The following TBC1D12 variants were observed in gnomAD, a reference collection of about 807,000 sequenced individuals.
TBC1D12 encodes the protein TBC1 domain family, member 12.
TBC1D12 carries 56 observed loss-of-function variants against 86.7 expected under a neutral mutation model. That is an observed-to-expected ratio of 0.65 (90% CI 0.52 to 0.81). TBC1D12 has a LOEUF of 0.81. Among genes scored for constraint, TBC1D12 ranks in the 30% least tolerant of loss-of-function variants. The pLI, the probability that TBC1D12 is intolerant of heterozygous loss-of-function variation, is 0.00. For missense variants in TBC1D12, 1,023 were observed against 1,038.8 expected (o/e 0.98, Z 0.21); for synonymous variants, 421 against 411.7 (o/e 1.02, Z -0.27).
intron 1 of TBC1D12, among the ~76,000 whole-genome samples, chr10:94,426,725 C>T (rs547538170): frequency 1.1e-4 from 17 of 152,076 alleles, no homozygotes; most frequent in South Asian, 4.2e-4. Flanking sequence ...TACAGGCGCT[C>T]GCCACCACAC....
At chr10:94,524,635 A>C (rs1842240905) in intron 11 of TBC1D12, among the ~76,000 whole-genome samples, 1 of 150,692 alleles carries the variant, frequency 6.6e-6, no homozygotes, top group African/African-American at 2.4e-5. Flanking sequence ...GCTACTTGGG[A>C]GGCTGAGGTT....
In TBC1D12 at chr10:94,531,314, C is replaced by T. The variant is rs769285606; in HGVS notation, c.2113C>T (p.Arg705Ter). ...ATTTAGGACTGGATTAGGAATCCTC[C>T]GATTATATGAAGATATTCTCCTGCA... ...FLFRTGLGIL[R>*]LYEDILLQMD... The change falls in exon 12 of 13, where the codon CGA (arginine) becomes TGA (stop). Residue 705 changes from arginine to a stop codon, truncating the protein, a stop_gained. Transcript: ENST00000225235. LOFTEE classifies it high-confidence loss of function. 4.3e-6 allele frequency: 7 copies of T among 1,613,814 alleles called. No homozygotes were observed. The highest frequency in any genetic ancestry group is 1.7e-5 in the Admixed American group (1 of 59,982).
At chr10:94,433,062 A>G (rs2055240610) in intron 1 of TBC1D12, among the ~76,000 whole-genome samples, 1 of 151,998 alleles carries the variant, frequency 6.6e-6, no homozygotes, top group Non-Finnish European at 1.5e-5. Flanking sequence ...AAAACTAGCC[A>G]TGGATGGTGG....
chr10:94,405,054 A>C (rs987872628), intron 1 of TBC1D12, among the ~76,000 whole-genome samples: 19 of 152,076 alleles, frequency 1.2e-4, no homozygotes, highest in Non-Finnish European at 2.8e-4. Flanking sequence ...CTCAAAAAAA[A>C]AAAAAAAAAG....
chr10:94,483,030 ATTC>A (rs1399001179), intron 3 of TBC1D12, among the ~76,000 whole-genome samples: 1 of 134,164 alleles, frequency 7.5e-6, no homozygotes, highest in Non-Finnish European at 1.5e-5. Context: ...TGAACCACAT[ATTC>A]TTCTTCTTTT....
At chr10:94,433,659 C>A (rs933537667) in intron 1 of TBC1D12, among the ~76,000 whole-genome samples, 2 of 152,114 alleles carry the variant, frequency 1.3e-5, no homozygotes, top group African/African-American at 4.8e-5. Flanking sequence ...GAAGAATTTT[C>A]TGATCTGTAG....
chr10:94,465,746 A>ATACATATGTATACATACG (rs2055802726), intron 2 of TBC1D12, among the ~76,000 whole-genome samples: 1 of 151,156 alleles, frequency 6.6e-6, no homozygotes, highest in Non-Finnish European at 1.5e-5. Context: ...GTATACATAC[A>ATACATATGTATACATACG]TACATATGTA....
intron 2 of TBC1D12, among the ~76,000 whole-genome samples, chr10:94,468,535 AT>A (rs1278101337): frequency 6.6e-6 from 1 of 152,014 alleles, no homozygotes; most frequent in Non-Finnish European, 1.5e-5. Flanking sequence ...GACTGGAATA[AT>A]TTTAGGGGAA....
chr10:94,416,103 CTATG>C (rs2054994448), intron 1 of TBC1D12, among the ~76,000 whole-genome samples: 1 of 151,750 alleles, frequency 6.6e-6, no homozygotes, highest in Non-Finnish European at 1.5e-5. Context: ...AAACATAACA[CTATG>C]TAGGGAAAAA....
In TBC1D12 at chr10:94,534,982, C is replaced by A. The variant is rs1842515853; in HGVS notation, c.*1886C>A. On this transcript the variant is annotated 3_prime_UTR_variant, in exon 13 of 13. Coordinates refer to ENST00000225235, the MANE Select transcript of TBC1D12 (RefSeq NM_015188.2). ...TATAGCAACATTAACAGTCTTTTCC[C>A]AGTCAGGTGCTGTCCAGGGAACATG... The A allele has an allele frequency of 6.6e-6, 1 of 152,134 alleles. No homozygotes were observed. Among genetic ancestry groups the A allele is most frequent in the Non-Finnish European group, 1.5e-5 (1 of 68,026 alleles). The allele number at this position is 152,134 out of a possible 1,614,324, so 9.4% of individuals were successfully genotyped here. A position where few individuals can be genotyped will look rare whatever the true frequency, so the allele number is the denominator to read the frequency against.
rs1309068756 is a variant in TBC1D12 at position 94,536,204 on chromosome 10, AAAAC to A, written c.*3109_*3112del. Reference sequence around the variant, plus strand: ...GTTACAGTATATTTTCAATTAAAAAAAAACTTTTCCTAAAATACTCAAAATAATG... The same window carrying A: ...GTTACAGTATATTTTCAATTAAAAAATTTTCCTAAAATACTCAAAATAATG... On this transcript the variant is annotated 3_prime_UTR_variant, in exon 13 of 13. Coordinates refer to ENST00000225235, the MANE Select transcript of TBC1D12 (RefSeq NM_015188.2). Among the ~76,000 whole-genome samples the A allele has an allele frequency of 5.3e-5, 8 of 152,136 alleles. No individual in the cohort carries two copies. Among genetic ancestry groups the A allele is most frequent in the Non-Finnish European group, 8.8e-5 (6 of 68,010 alleles).
At chr10:94,441,591 T>C (rs867780616) in intron 1 of TBC1D12, among the ~76,000 whole-genome samples, 1 of 152,320 alleles carries the variant, frequency 6.6e-6, no homozygotes, top group African/African-American at 2.4e-5. Context: ...GTCTGTATTT[T>C]ACTTTAAGTT....
At position 94,403,214 on chromosome 10, in the gene TBC1D12, A is replaced by C. The variant is rs2054795513; in HGVS notation, c.601A>C (p.Ser201Arg). ...WASPLEDPLR[S>R]CCLVAADAQE... ...CTCTCCGCTTGAGGACCCGCTGCGG[A>C]GCTGCTGCCTGGTGGCCGCGGACGC... The change falls in exon 1 of 13, where the codon AGC (serine) becomes CGC (arginine). Residue 201 changes from serine (S) to arginine (R), a missense_variant. By Grantham distance (110) the Ser-to-Arg change is moderately radical. Around this residue, in one of 2 missense-constraint regions of TBC1D12, gnomAD observed 628 missense variants for 531.1 expected, o/e 1.18. Coordinates refer to ENST00000225235, the MANE Select transcript of TBC1D12 (RefSeq NM_015188.2). 3.3e-6 allele frequency: 5 copies of C among 1,505,858 alleles called. No homozygotes were observed. The African/African-American group carries it at 5.8e-5, about 18-fold the overall frequency. The allele number at this position is 1,505,858 out of a possible 1,614,324, so 93.3% of individuals were successfully genotyped here. A position where few individuals can be genotyped will look rare whatever the true frequency, so the allele number is the denominator to read the frequency against.
At chr10:94,520,895 A>G (rs1842132384) in intron 9 of TBC1D12, among the ~76,000 whole-genome samples, 1 of 152,164 alleles carries the variant, frequency 6.6e-6, no homozygotes, top group Non-Finnish European at 1.5e-5. Context: ...TCCTGACCTC[A>G]GGTGATCCGC....
intron 3 of TBC1D12, among the ~76,000 whole-genome samples, chr10:94,490,633 G>A (rs1033824860): frequency 6.6e-5 from 10 of 152,180 alleles, no homozygotes; most frequent in African/African-American, 7.2e-5. Flanking sequence ...ACTTTTTTGT[G>A]TGTTCTTTTA....
chr10:94,531,749 G>GTTATT (rs10664686), intron 12 of TBC1D12, among the ~76,000 whole-genome samples: 1 of 49,642 alleles, frequency 2.0e-5, no homozygotes, highest in Non-Finnish European at 4.5e-5. Flanking sequence ...GTTATTTTAT[G>GTTATT]TTATTTTATT....
At chr10:94,496,850 G>A (rs188060475) in intron 4 of TBC1D12, among the ~76,000 whole-genome samples, 11 of 152,216 alleles carry the variant, frequency 7.2e-5, no homozygotes, top group Admixed American at 2.0e-4. Context: ...AGAAAACAAA[G>A]AATAGAAAAT....
At chr10:94,498,310 C>G (rs997423025) in intron 5 of TBC1D12, among the ~76,000 whole-genome samples, 3 of 152,102 alleles carry the variant, frequency 2.0e-5, no homozygotes, top group Non-Finnish European at 4.4e-5. Flanking sequence ...ATGTAAATGT[C>G]CCATCATCAT....
chr10:94,492,843 T>C (rs139689458), intron 3 of TBC1D12, among the ~76,000 whole-genome samples: 2,162 of 152,328 alleles, frequency 0.014, 58 homozygotes, highest in African/African-American at 0.047. Flanking sequence ...TTGTCAAGAC[T>C]CATCAAACTA....
Sources: gnomAD v4.1 joint callset for allele counts (sites outside exome capture counted in the v4.1 genomes callset) on GRCh38, gnomAD v4.1.1 for gene constraint, gnomAD v4.1.1 regional missense constraint, MANE v1.5 for transcripts, NCBI Gene and HGNC (gene_info 2026-07-23, HGNC 2026-07-21) for gene names.